Variants in PLD5 observed in about 807,000 individuals in gnomAD.
PLD5 encodes inactive phospholipase D5.
PLD5 carries 36 observed loss-of-function variants against 61.1 expected under a neutral mutation model. That is an observed-to-expected ratio of 0.59 (90% CI 0.45 to 0.78). PLD5 has a LOEUF of 0.78. Among genes scored for constraint, PLD5 ranks in the 30% least tolerant of loss-of-function variants. The probability of loss-of-function intolerance (pLI) is 0.00; values close to 1 mark genes in which losing one functional copy is unlikely to be tolerated. For missense variants in PLD5, 515 were observed against 644.4 expected, an observed-to-expected ratio of 0.80 and a Z score of 2.17; for synonymous variants, 243 against 242.8, an observed-to-expected ratio of 1.00 and a Z score of -0.01.
chr1:242,452,313 T>C (rs573790903), intron 1 of PLD5, among the ~76,000 whole-genome samples: 25 of 152,300 alleles, frequency 1.6e-4, no homozygotes, highest in African/African-American at 5.5e-4. Flanking sequence ...AGGATTCTAG[T>C]GATATGAAAA....
chr1:242,449,374 C>T, intron 1 of PLD5: 1 of 1,536,112 alleles, frequency 6.5e-7, no homozygotes, highest in African/African-American at 1.4e-5. Flanking sequence ...AATCTTCCTT[C>T]CCTCCCTGCG....
chr1:242,431,743 T>A (rs1572138262), intron 1 of PLD5, among the ~76,000 whole-genome samples: 1 of 152,228 alleles, frequency 6.6e-6, no homozygotes, highest in Admixed American at 6.5e-5. Context: ...AGAACCACTG[T>A]CCCTTCATCT....
intron 1 of PLD5, among the ~76,000 whole-genome samples, chr1:242,394,304 GTATATATGTGTGTATATATGAGTA>G (rs1663229812): frequency 1.8e-4 from 13 of 74,246 alleles, no homozygotes; most frequent in South Asian, 1.2e-3. Flanking sequence ...ATATATATGA[GTATATATGTGTGTATATATGAGTA>G]TATATGTGTG....
intron 1 of PLD5, among the ~76,000 whole-genome samples, chr1:242,361,959 A>G (rs989720460): frequency 1.3e-5 from 2 of 148,312 alleles, no homozygotes; most frequent in Non-Finnish European, 3.0e-5. Flanking sequence ...ACATACTGAG[A>G]CCTCATCTCA....
At position 242,306,758 on chromosome 1, in the gene PLD5, C is replaced by T. The variant is rs1286774454; in HGVS notation, c.327-18228G>A. ...TTATTAAAACACACACACACACACA[C>T]ACACACACACACACACACACACACA... On this transcript the variant is annotated intron_variant, in intron 2 of 9. Coordinates refer to ENST00000536534, the MANE Select transcript of PLD5 (RefSeq NM_001372062.1). Among the ~76,000 whole-genome samples the T allele has an allele frequency of 2.2e-3, 248 of 114,688 alleles. 4 individuals carry two copies. The highest frequency in any genetic ancestry group is 6.8e-3 in the African/African-American group (227 of 33,272). 75.2% of individuals were successfully genotyped at this position (114,688 alleles called of 152,430 possible).
intron 1 of PLD5, among the ~76,000 whole-genome samples, chr1:242,502,204 C>A (rs1256825607): frequency 1.3e-5 from 2 of 152,168 alleles, no homozygotes; most frequent in East Asian, 3.9e-4. Flanking sequence ...TCAAACTTAA[C>A]ATATTTAAAA....
chr1:242,208,496 C>T (rs749068825), intron 5 of PLD5, among the ~76,000 whole-genome samples: 32 of 152,136 alleles, frequency 2.1e-4, no homozygotes, highest in Non-Finnish European at 4.4e-5. Flanking sequence ...ATGACCATAA[C>T]GATCTCACTG....
At chr1:242,161,664 A>G (rs1260473976) in intron 5 of PLD5, among the ~76,000 whole-genome samples, 2 of 152,200 alleles carry the variant, frequency 1.3e-5, no homozygotes, top group Non-Finnish European at 1.5e-5. Flanking sequence ...ACACACAGTC[A>G]CAGCAGTTGA....
intron 1 of PLD5, among the ~76,000 whole-genome samples, chr1:242,494,868 T>C (rs369573037): frequency 3.8e-5 from 5 of 132,062 alleles, no homozygotes; most frequent in Non-Finnish European, 8.2e-5. Context: ...CCCCAATTTT[T>C]TTTTCTTTTC....
intron 1 of PLD5, among the ~76,000 whole-genome samples, chr1:242,516,883 C>A (rs1028329273): frequency 5.3e-5 from 8 of 152,180 alleles, no homozygotes; most frequent in Non-Finnish European, 1.2e-4. Flanking sequence ...GGAAATGGAT[C>A]TACTCTATAG....
chr1:242,178,458 T>A (rs1335655581), intron 5 of PLD5: 4 of 152,332 alleles, frequency 2.6e-5, no homozygotes, highest in Admixed American at 1.3e-4. Context: ...ATGAGAATTT[T>A]TCTTCACAAA....
chr1:242,309,106 C>A (rs1411828819), intron 2 of PLD5, among the ~76,000 whole-genome samples: 2 of 152,020 alleles, frequency 1.3e-5, no homozygotes, highest in South Asian at 2.1e-4. Flanking sequence ...ACAAGTGGAA[C>A]CTTGAATGGA....
chr1:242,435,999 A>C (rs1558564952), intron 1 of PLD5, among the ~76,000 whole-genome samples: 1 of 152,174 alleles, frequency 6.6e-6, no homozygotes. Flanking sequence ...TCCTCAAAAA[A>C]TATCCGACAA....
intron 5 of PLD5, among the ~76,000 whole-genome samples, chr1:242,188,031 A>G (rs1284744054): frequency 1.3e-5 from 2 of 151,950 alleles, no homozygotes; most frequent in African/African-American, 2.4e-5. Context: ...ATGATTAACA[A>G]GGAGGGACTA....
At chr1:242,322,429 C>G (rs970890756) in intron 2 of PLD5, among the ~76,000 whole-genome samples, 4 of 152,232 alleles carry the variant, frequency 2.6e-5, no homozygotes, top group African/African-American at 9.6e-5. Flanking sequence ...CAGTTGCTCT[C>G]TCTTCCTATT....
intron 5 of PLD5, among the ~76,000 whole-genome samples, chr1:242,165,344 A>T (rs1666223862): frequency 6.6e-6 from 1 of 151,518 alleles, no homozygotes; most frequent in Admixed American, 6.6e-5. Flanking sequence ...TGGGAAATTT[A>T]AAAAAGACTG....
At chr1:242,350,897 CTTTT>C (rs149135759) in intron 1 of PLD5, among the ~76,000 whole-genome samples, 1 of 142,830 alleles carries the variant, frequency 7.0e-6, no homozygotes, top group African/African-American at 2.6e-5. Flanking sequence ...CTGTTTTATT[CTTTT>C]TTTTTTTTTT....
At chr1:242,211,626 G>GT (rs1669827983) in intron 5 of PLD5, among the ~76,000 whole-genome samples, 2 of 152,142 alleles carry the variant, frequency 1.3e-5, no homozygotes, top group Admixed American at 6.5e-5. Context: ...CTGAGTACCT[G>GT]TCTCATCCGT....
At chr1:242,357,018 G>A (rs1257410489) in intron 1 of PLD5, among the ~76,000 whole-genome samples, 3 of 149,638 alleles carry the variant, frequency 2.0e-5, no homozygotes, top group Non-Finnish European at 4.4e-5. Context: ...TATACCATTA[G>A]GTTTTGTGCT....
Sources: gnomAD v4.1 joint callset for allele counts (sites outside exome capture counted in the v4.1 genomes callset) on GRCh38, gnomAD v4.1.1 for gene constraint, MANE v1.5 for transcripts, NCBI Gene and HGNC (gene_info 2026-07-23, HGNC 2026-07-21) for gene names.